DNAH7: variants seen among roughly 807,000 people sequenced by gnomAD.
DNAH7 encodes dynein axonemal heavy chain 7.
In DNAH7, 397 loss-of-function variants were observed where a neutral mutation model predicts 444.6. That is an observed-to-expected ratio of 0.89 (90% CI 0.82 to 0.97). The LOEUF (loss-of-function observed/expected upper bound fraction) is 0.97. DNAH7 is among the 50% of genes least tolerant of loss of function. DNAH7 has a pLI of 0.00. For synonymous variants in DNAH7, 1,636 were observed against 1,624.4 expected, an observed-to-expected ratio of 1.01 and a Z score of -0.17; for missense variants, 4,902 against 4,800.8, an observed-to-expected ratio of 1.02 and a Z score of -0.62.
rs1313737895 is a variant in DNAH7, at chr2:195,737,806, A to ATAAC, written c.*111_*114dup. 2.6e-5 allele frequency: 23 copies of ATAAC among 873,134 alleles called. No individual in the cohort carries two copies. Among genetic ancestry groups the ATAAC allele is most frequent in the African/African-American group, 2.2e-4 (13 of 58,668 alleles). The allele number at this position is 873,134 out of a possible 1,614,324, so 54.1% of individuals were successfully genotyped here. A position where few individuals can be genotyped will look rare whatever the true frequency, so the allele number is the denominator to read the frequency against. On this transcript the variant is annotated 3_prime_UTR_variant, in exon 65 of 65. Coordinates refer to ENST00000312428, the MANE Select transcript of DNAH7 (RefSeq NM_018897.3). ...TTTGCTCATAAGTAAATTCATAATT[A>ATAAC]TAACTTTAGTCAAATGTATTTAAAC... is the stretch of plus-strand genomic sequence containing the variant.
intron 12 of DNAH7, among the ~76,000 whole-genome samples, chr2:195,997,767 T>G (rs1419876089): frequency 4.6e-5 from 7 of 152,174 alleles, no homozygotes; most frequent in African/African-American, 1.7e-4. Context: ...GCAATTGTTG[T>G]CAAAGATCAC....
chr2:195,990,900 T>TATATATACTTAAATATATATAC (rs1693279410), intron 12 of DNAH7, among the ~76,000 whole-genome samples: 1 of 140,962 alleles, frequency 7.1e-6, no homozygotes, highest in East Asian at 2.1e-4. Context: ...CTTATATACA[T>TATATATACTTAAATATATATAC]ATATATACTT....
At chr2:195,953,026 A>C (rs766965148) in intron 19 of DNAH7, among the ~76,000 whole-genome samples, 1 of 151,900 alleles carries the variant, frequency 6.6e-6, no homozygotes, top group Admixed American at 6.6e-5. Context: ...TGGTTTTTGT[A>C]ATTTTCAGCC....
chr2:195,989,812 T>G (rs1693179199), intron 12 of DNAH7, among the ~76,000 whole-genome samples: 1 of 152,178 alleles, frequency 6.6e-6, no homozygotes, highest in Non-Finnish European at 1.5e-5. Flanking sequence ...TCCTGCCACG[T>G]GAGACACCTG....
chr2:196,055,869 G>A (rs574356395), intron 2 of DNAH7, among the ~76,000 whole-genome samples: 3 of 152,140 alleles, frequency 2.0e-5, no homozygotes, highest in Non-Finnish European at 4.4e-5. Context: ...TAAGATCTCT[G>A]CATCATCCAT....
At chr2:195,835,027 A>G (rs1698269920) in intron 47 of DNAH7, among the ~76,000 whole-genome samples, 1 of 152,228 alleles carries the variant, frequency 6.6e-6, no homozygotes, top group Admixed American at 6.5e-5. Context: ...AACAAAGGCA[A>G]TACCCCAGGA....
intron 19 of DNAH7, among the ~76,000 whole-genome samples, chr2:195,942,432 A>T (rs1412441196): frequency 1.3e-5 from 2 of 151,682 alleles, no homozygotes; most frequent in Non-Finnish European, 2.9e-5. Flanking sequence ...AGAAGGAAGA[A>T]GATGAAGAGG....
intron 47 of DNAH7, among the ~76,000 whole-genome samples, chr2:195,843,466 T>C (rs748746886): frequency 2.9e-4 from 44 of 152,312 alleles, no homozygotes; most frequent in Non-Finnish European, 3.5e-4. Flanking sequence ...CCTGAAAAAG[T>C]TGGTCTCTTT....
At chr2:195,783,767 T>C (rs533738405) in intron 58 of DNAH7, among the ~76,000 whole-genome samples, 38 of 152,268 alleles carry the variant, frequency 2.5e-4, no homozygotes, top group Non-Finnish European at 4.6e-4. Context: ...AAATCCACTC[T>C]CCATTCTGTT....
At chr2:195,761,948 A>G (rs7591529) in intron 61 of DNAH7, among the ~76,000 whole-genome samples, 4 of 152,336 alleles carry the variant, frequency 2.6e-5, no homozygotes, top group South Asian at 4.1e-4. Flanking sequence ...TTATAACACT[A>G]TAAGTGTGTT....
At chr2:195,813,295 C>T (rs902124918) in intron 51 of DNAH7, among the ~76,000 whole-genome samples, 5 of 152,092 alleles carry the variant, frequency 3.3e-5, no homozygotes, top group South Asian at 2.1e-4. Flanking sequence ...TCCTTCCCTC[C>T]TTTTTTTCTT....
chr2:195,758,195 A>G (rs1694175877), intron 61 of DNAH7, among the ~76,000 whole-genome samples: 1 of 152,244 alleles, frequency 6.6e-6, no homozygotes, highest in South Asian at 2.1e-4. Context: ...TGAAGACCAC[A>G]GTCAACAATC....
chr2:195,834,107 T>C (rs1698206817), intron 48 of DNAH7, 99 bp downstream of exon 48: 3 of 1,248,912 alleles, frequency 2.4e-6, no homozygotes, highest in South Asian at 3.7e-5. Context: ...CTTGGTAGGC[T>C]GAGGTGGGAG....
intron 20 of DNAH7, among the ~76,000 whole-genome samples, 179 bp from the exon 21 acceptor site, chr2:195,934,968 T>C (rs1688952432): frequency 6.6e-6 from 1 of 152,208 alleles, no homozygotes; most frequent in Non-Finnish European, 1.5e-5. Context: ...ATGCATTATA[T>C]AGTCCATTGA....
chr2:195,742,572 G>A (rs933312503), intron 63 of DNAH7, among the ~76,000 whole-genome samples: 1 of 152,146 alleles, frequency 6.6e-6, no homozygotes, highest in African/African-American at 2.4e-5. Flanking sequence ...TGGCTAGTAA[G>A]GACCATGAGG....
At chr2:196,039,822 A>C in intron 5 of DNAH7, among the ~76,000 whole-genome samples, 1 of 151,878 alleles carries the variant, frequency 6.6e-6, no homozygotes, top group Non-Finnish European at 1.5e-5. Flanking sequence ...AAAGATTTCA[A>C]AATTTAGTTT....
chr2:195,957,371 G>C lies in DNAH7; in HGVS notation c.2968C>G (p.Leu990Val). Residue 990 changes from leucine (L) to valine (V), a missense_variant, in exon 19 of 65, where the codon CTG becomes GTG. Physicochemically the swap from Leu to Val is conservative, Grantham distance 32. Coordinates refer to ENST00000312428, the MANE Select transcript of DNAH7 (RefSeq NM_018897.3). ...TCTGGAGAGCTGAAAATGGGCTCCA[G>C]ATACAGCCACGTGGCTTGGACTTTG... ...WLKVQATWLY[L>V]EPIFSSPDIM... 4 of 1,606,698 alleles carry C rather than the reference G, an allele frequency of 2.5e-6. No individual in the cohort carries two copies. Among genetic ancestry groups the C allele is most frequent in the Non-Finnish European group, 2.6e-6 (3 of 1,175,028 alleles).
intron 1 of DNAH7, among the ~76,000 whole-genome samples, chr2:196,068,110 A>G (rs1232592580): frequency 1.3e-5 from 2 of 152,246 alleles, no homozygotes; most frequent in African/African-American, 2.4e-5. Flanking sequence ...TTTATCACAT[A>G]CCATGGAATA....
intron 1 of DNAH7, among the ~76,000 whole-genome samples, chr2:196,058,481 C>T (rs1275150885): frequency 6.6e-6 from 1 of 152,102 alleles, no homozygotes; most frequent in Admixed American, 6.6e-5. Flanking sequence ...CGTGTTTTTT[C>T]CTGATTTGTA....
Sources: gnomAD v4.1 joint callset for allele counts (sites outside exome capture counted in the v4.1 genomes callset) on GRCh38, gnomAD v4.1.1 for gene constraint, MANE v1.5 for transcripts, NCBI Gene and HGNC (gene_info 2026-07-23, HGNC 2026-07-21) for gene names.